The following GTPBP10 variants were observed in gnomAD, a reference collection of about 807,000 sequenced individuals.
GTPBP10 encodes the protein GTP binding protein 10.
Under a neutral mutation model 44.8 loss-of-function variants are expected in GTPBP10, and 38 were observed. That is an observed-to-expected ratio of 0.85 (90% CI 0.65 to 1.11). GTPBP10 has a LOEUF of 1.11. Ranked by LOEUF, GTPBP10 falls within the 50% of genes most tolerant of loss-of-function variation. The pLI is 0.00. For missense variants in GTPBP10, 462 were observed against 453.7 expected (o/e 1.02, Z -0.17); for synonymous variants, 152 against 150.6 (o/e 1.01, Z -0.07).
intron 8 of GTPBP10, 75 bp from the exon 9 acceptor site, chr7:90,382,881 G>A: frequency 1.0e-6 from 1 of 995,428 alleles, no homozygotes; most frequent in Admixed American, 2.7e-5. Context: ...GATCACCTGG[G>A]TCATTAATTA....
rs2115807544 is a variant in GTPBP10, at chr7:90,388,651, T to C, written c.*3497T>C. 1 of 152,306 alleles carries C rather than the reference T, an allele frequency of 6.6e-6. No homozygotes were observed. Among genetic ancestry groups the C allele is most frequent in the East Asian group, 1.9e-4 (1 of 5,188 alleles). The allele number at this position is 152,306 out of a possible 1,614,324, so 9.4% of individuals were successfully genotyped here. ...TCAGGAAAAAAGTCATCTTTTATAA[T>C]GAGAAAAATTAGGTCAAGGATATTT... is the stretch of plus-strand genomic sequence containing the variant. On this transcript the variant is annotated 3_prime_UTR_variant, in exon 10 of 10. Coordinates refer to ENST00000222511, the MANE Select transcript of GTPBP10 (RefSeq NM_033107.4).
intron 4 of GTPBP10, among the ~76,000 whole-genome samples, chr7:90,357,211 A>G (rs42668): frequency 1.3e-3 from 191 of 152,048 alleles, no homozygotes; most frequent in Non-Finnish European, 2.3e-3. Context: ...AAAATTTCAA[A>G]TATCTGTTAT....
chr7:90,374,322 C>T lies in GTPBP10; in HGVS notation c.559C>T (p.Leu187Phe), dbSNP rs747672357. Residue 187 changes from leucine to phenylalanine, a missense_variant, in exon 6 of 10, where the codon CTT becomes TTT. Physicochemically the swap from Leu to Phe is conservative, Grantham distance 22. Coordinates refer to ENST00000222511, the MANE Select transcript of GTPBP10 (RefSeq NM_033107.4). ...TTTAGTTACAACATTAAAGCCTGAA[C>T]TTGGAAAGATAATGTACAGTGATTT... The part of the protein sequence containing the change: ...DYAFTTLKPE[L>F]GKIMYSDFKQ... 1.9e-6 allele frequency: 3 copies of T among 1,597,842 alleles called. No homozygotes were observed. The highest frequency in any genetic ancestry group is 2.6e-6 in the Non-Finnish European group (3 of 1,166,078).
chr7:90,360,411 T>G (rs1795993649), intron 4 of GTPBP10, among the ~76,000 whole-genome samples: 1 of 152,186 alleles, frequency 6.6e-6, no homozygotes, highest in African/African-American at 2.4e-5. Flanking sequence ...TATCCCCATT[T>G]CTTGTTTTTG....
intron 4 of GTPBP10, among the ~76,000 whole-genome samples, chr7:90,371,829 TG>T (rs1433733795): frequency 6.6e-6 from 1 of 152,132 alleles, no homozygotes; most frequent in African/African-American, 2.4e-5. Context: ...GTTTTGTCAG[TG>T]TATAGCTGGA....
At chr7:90,353,470 A>C (rs931560740) in intron 2 of GTPBP10, among the ~76,000 whole-genome samples, 1 of 152,250 alleles carries the variant, frequency 6.6e-6, no homozygotes, top group African/African-American at 2.4e-5. Context: ...CAAAAATGAG[A>C]GTACAGTATT....
At chr7:90,351,600 T>G (rs1562952858) in intron 1 of GTPBP10, among the ~76,000 whole-genome samples, 1 of 152,238 alleles carries the variant, frequency 6.6e-6, no homozygotes, top group Non-Finnish European at 1.5e-5. Context: ...TCTAATATAT[T>G]TATTGAAAAA....
chr7:90,385,334 G>A lies in GTPBP10; in HGVS notation c.*180G>A. 2.1e-6 allele frequency: 1 copy of A among 479,946 alleles called. No individual in the cohort carries two copies. The highest frequency in any genetic ancestry group is 3.6e-6 in the Non-Finnish European group (1 of 277,590). The allele number at this position is 479,946 out of a possible 1,614,324, so 29.7% of individuals were successfully genotyped here. On this transcript the variant is annotated 3_prime_UTR_variant, in exon 10 of 10. Coordinates refer to ENST00000222511, the MANE Select transcript of GTPBP10 (RefSeq NM_033107.4). ...TCATAGAAGGAGAGAATAGAATGGT[G>A]GTTATCAAGGGCTGGTGGGGCAGTG...
chr7:90,384,528 A>G (rs1416705866), intron 9 of GTPBP10, among the ~76,000 whole-genome samples: 2 of 152,178 alleles, frequency 1.3e-5, no homozygotes, highest in Non-Finnish European at 2.9e-5. Flanking sequence ...GTCTCAAATC[A>G]TAAATGATGT....
intron 1 of GTPBP10, chr7:90,347,718 T>C (rs1040764391): frequency 6.5e-6 from 1 of 153,068 alleles, no homozygotes; most frequent in African/African-American, 2.4e-5. Flanking sequence ...AATAGAGATA[T>C]AATCAAATTG....
chr7:90,354,536 T>C lies in GTPBP10; in HGVS notation c.306T>C (p.Asn102=), dbSNP rs758070412. The C allele has an allele frequency of 6.4e-7, 1 of 1,570,374 alleles. No homozygotes were observed. Among genetic ancestry groups the C allele is most frequent in the African/African-American group, 1.4e-5 (1 of 72,876 alleles). ...VPVGISVTDE[N]GKIIGELNKE... The stretch of plus-strand genomic sequence containing the variant: ...TGGGTATTTCAGTAACTGATGAAAA[T>C]GGTAAAATTATAGGTGAGTGTACTA... Residue 102 remains asparagine, a synonymous_variant, in exon 3 of 10, where the codon AAT becomes AAC. Coordinates refer to ENST00000222511, the MANE Select transcript of GTPBP10 (RefSeq NM_033107.4).
chr7:90,360,998 C>G (rs962493444), intron 4 of GTPBP10, among the ~76,000 whole-genome samples: 1 of 152,200 alleles, frequency 6.6e-6, no homozygotes, highest in Non-Finnish European at 1.5e-5. Flanking sequence ...TATCCTGAGA[C>G]TTTGCTGAAG....
At chr7:90,348,803 C>T (rs1344046204) in intron 1 of GTPBP10, among the ~76,000 whole-genome samples, 1 of 152,222 alleles carries the variant, frequency 6.6e-6, no homozygotes, top group Non-Finnish European at 1.5e-5. Flanking sequence ...TTCAGTGCCT[C>T]TTCACAGAAG....
intron 2 of GTPBP10, among the ~76,000 whole-genome samples, chr7:90,353,516 A>G (rs1160440778): frequency 6.6e-6 from 1 of 152,216 alleles, no homozygotes; most frequent in Non-Finnish European, 1.5e-5. Flanking sequence ...TTCACATGTC[A>G]AAATTATTCA....
intron 9 of GTPBP10, among the ~76,000 whole-genome samples, chr7:90,384,663 T>A (rs1222917842): frequency 6.6e-6 from 1 of 151,842 alleles, no homozygotes; most frequent in Non-Finnish European, 1.5e-5. Flanking sequence ...CTTCTACTCA[T>A]ACTTAGTTTG....
intron 9 of GTPBP10, among the ~76,000 whole-genome samples, 198 bp from the exon 10 acceptor site, chr7:90,384,694 A>G (rs1796492243): frequency 6.6e-6 from 1 of 152,022 alleles, no homozygotes; most frequent in Admixed American, 6.6e-5. Flanking sequence ...TATTTATCTA[A>G]CAAGTATGTT....
In GTPBP10 at chr7:90,389,407, A is replaced by G. The variant is rs1214452458; in HGVS notation, c.*4253A>G. ...TTTGAATTTTTTTTTTTCCCCCCCC[A>G]GACGGAGTCTCGCTCTCTTGCCAGG... On this transcript the variant is annotated 3_prime_UTR_variant, in exon 10 of 10. Transcript: ENST00000222511. The G allele has an allele frequency of 6.7e-6, 1 of 149,638 alleles. No individual in the cohort carries two copies. Among genetic ancestry groups the G allele is most frequent in the Non-Finnish European group, 1.5e-5 (1 of 67,432 alleles). The allele number at this position is 149,638 out of a possible 1,614,324, so 9.3% of individuals were successfully genotyped here.
chr7:90,371,545 C>G (rs2115722737), intron 4 of GTPBP10, among the ~76,000 whole-genome samples: 1 of 152,264 alleles, frequency 6.6e-6, no homozygotes, highest in South Asian at 2.1e-4. Context: ...TGTAGGACAA[C>G]TGACCCAGTT....
At chr7:90,353,112 T>A in intron 2 of GTPBP10, 103 bp downstream of exon 2, 1 of 717,864 alleles carries the variant, frequency 1.4e-6, no homozygotes, top group Non-Finnish European at 2.2e-6. Context: ...TGAAGTAAAT[T>A]ATTTCCTGTA....
Sources: allele counts gnomAD v4.1 joint callset (sites outside exome capture counted in the v4.1 genomes callset), GRCh38; gene constraint gnomAD v4.1.1; transcripts MANE v1.5; gene names NCBI Gene and HGNC (gene_info 2026-07-23, HGNC 2026-07-21).